SARAF: variants seen among roughly 807,000 people sequenced by gnomAD.
SARAF encodes store-operated calcium entry associated regulatory factor, also known as store-operated calcium entry-associated regulatory factor.
SARAF carries 23 observed loss-of-function variants against 39.7 expected under a neutral mutation model. The observed-to-expected ratio is 0.58, with a 90% CI of 0.42 to 0.82. The LOEUF (loss-of-function observed/expected upper bound fraction) is 0.82. SARAF is among the 40% of genes least tolerant of loss of function. The probability of loss-of-function intolerance (pLI) is 0.00; values close to 1 mark genes in which losing one functional copy is unlikely to be tolerated. For missense variants in SARAF, 384 were observed against 418.5 expected (o/e 0.92, Z 0.72); for synonymous variants, 175 against 168.5 (o/e 1.04, Z -0.30).
In SARAF at chr8:30,073,913, C is replaced by T; in HGVS notation, c.246G>A (p.Gln82=). The T allele has an allele frequency of 1.9e-6, 3 of 1,614,184 alleles. No homozygotes were observed. In the South Asian group the frequency reaches 3.3e-5, roughly 18 times the overall value. The stretch of plus-strand genomic sequence containing the variant: ...ACCCATCCCAGCCTTTGTTCTGACA[C>T]TGTATGACTTTTGGGGTATAAGAAT... ...GCDSYTPKVI[Q]CQNKGWDGYD... The change falls in exon 2 of 6, where the codon CAG becomes CAA. Residue 82 remains glutamine (Q), a synonymous_variant. Transcript: ENST00000256255.
chr8:30,066,262 G>T, intron 4 of SARAF, 123 bp from the exon 5 acceptor site: 1 of 987,850 alleles, frequency 1.0e-6, no homozygotes, highest in Non-Finnish European at 1.5e-6. Flanking sequence ...GAATGTTCTG[G>T]TATATCAGAG....
chr8:30,079,206 G>A (rs1802044695), intron 1 of SARAF, among the ~76,000 whole-genome samples: 1 of 149,806 alleles, frequency 6.7e-6, no homozygotes. Context: ...GTAGGGAATT[G>A]GAACAGAGAC....
At chr8:30,064,551 A>ATTTTTTTTTTTT (rs1387887357) in intron 5 of SARAF, among the ~76,000 whole-genome samples, 7 of 46,124 alleles carry the variant, frequency 1.5e-4, no homozygotes, top group East Asian at 7.3e-4. Flanking sequence ...ATATATATAT[A>ATTTTTTTTTTTT]TATATATATA....
At chr8:30,076,036 G>C (rs1801957738) in intron 1 of SARAF, among the ~76,000 whole-genome samples, 1 of 146,724 alleles carries the variant, frequency 6.8e-6, no homozygotes, top group South Asian at 2.2e-4. Context: ...TCTGGAATGG[G>C]AGATGCCTGG....
chr8:30,073,828 T>C (rs1358812398), intron 2 of SARAF, 49 bp downstream of exon 2: 1 of 1,537,952 alleles, frequency 6.5e-7, no homozygotes, highest in Non-Finnish European at 8.9e-7. Context: ...ATAAACAATT[T>C]ACTGAATAAA....
chr8:30,063,945 T>A (rs374477093), intron 5 of SARAF, 32 bp from the exon 6 acceptor site: 26 of 1,563,326 alleles, frequency 1.7e-5, no homozygotes, highest in Non-Finnish European at 2.1e-5. Context: ...TTACATTAGT[T>A]TTTAAAAATG....
intron 3 of SARAF, among the ~76,000 whole-genome samples, chr8:30,068,207 A>G (rs1801735879): frequency 6.6e-6 from 1 of 152,176 alleles, no homozygotes; most frequent in Non-Finnish European, 1.5e-5. Context: ...CTGAAGCTTC[A>G]TCTCTATTTA....
intron 2 of SARAF, among the ~76,000 whole-genome samples, chr8:30,071,169 C>T (rs541332095): frequency 6.6e-6 from 1 of 152,266 alleles, no homozygotes; most frequent in Admixed American, 6.5e-5. Context: ...GGCAAAACCC[C>T]ATCTCTACGA....
intron 1 of SARAF, among the ~76,000 whole-genome samples, chr8:30,074,768 G>A (rs11777119): frequency 0.73 from 111,068 of 152,038 alleles, 41,612 homozygotes; most frequent in Non-Finnish European, 0.82. Flanking sequence ...TTTTATTACT[G>A]GGAGTGGGGG....
upstream of SARAF, chr8:30,083,088 C>T (rs1266888458): frequency 8.5e-6 from 5 of 586,086 alleles, no homozygotes; most frequent in Non-Finnish European, 1.4e-5. Flanking sequence ...GCTGCAGCCG[C>T]AACGGATCCG....
intron 2 of SARAF, among the ~76,000 whole-genome samples, chr8:30,071,771 G>A (rs1224684842): frequency 6.6e-6 from 1 of 152,168 alleles, no homozygotes; most frequent in Non-Finnish European, 1.5e-5. Flanking sequence ...CATCCACGTT[G>A]TAGCATGTAT....
At chr8:30,069,528 A>C in intron 3 of SARAF, 114 bp downstream of exon 3, 1 of 1,097,394 alleles carries the variant, frequency 9.1e-7, no homozygotes, top group Non-Finnish European at 1.3e-6. Context: ...AAACAAAATG[A>C]GAAGACAAAC....
At position 30,069,300 on chromosome 8, in the gene SARAF, C is replaced by T. The variant is rs145750954; in HGVS notation, c.700+342G>A. ...AATCACAGGTGCCCGCCACAACACC[C>T]GGCTAATTTTTGTATTTTTAGTAAG... is the stretch of plus-strand genomic sequence containing the variant. On this transcript the variant is annotated intron_variant, in intron 3 of 5. Transcript: ENST00000256255. Among the ~76,000 whole-genome samples the T allele has an allele frequency of 6.3e-4, 96 of 151,996 alleles. No individual in the cohort carries two copies. The East Asian group carries it at 0.013, about 21-fold the overall frequency.
rs1801937595 is a variant in SARAF at position 30,075,525 on chromosome 8, C to G, written c.104-1470G>C. ...TTCAGTTCTGCCAACCAGAGGGACT[C>G]GAGCAAAATCTGGAAAGCAGACCCT... On this transcript the variant is annotated intron_variant, in intron 1 of 5. Coordinates refer to ENST00000256255, the MANE Select transcript of SARAF (RefSeq NM_016127.6). Among the ~76,000 whole-genome samples the G allele has an allele frequency of 3.9e-5, 6 of 152,196 alleles. No individual in the cohort carries two copies. The South Asian group carries it at 1.0e-3, about 26-fold the overall frequency.
At chr8:30,075,988 AAAC>A (rs1464063986) in intron 1 of SARAF, among the ~76,000 whole-genome samples, 1 of 121,360 alleles carries the variant, frequency 8.2e-6, no homozygotes, top group Non-Finnish European at 1.7e-5. Context: ...CCCTAAAAAA[AAAC>A]AAAAAAAAAA....
In SARAF at chr8:30,063,765, A is replaced by C. The variant is rs1801608909; in HGVS notation, c.*123T>G. On this transcript the variant is annotated 3_prime_UTR_variant, in exon 6 of 6. Transcript: ENST00000256255. ...AATACAAAAAGCTACACTGGACATA[A>C]CACCACAGAACTTTTGAATATCCCC... 3.2e-5 allele frequency: 27 copies of C among 840,098 alleles called. No individual in the cohort carries two copies. The highest frequency in any genetic ancestry group is 2.3e-4 in the South Asian group (16 of 70,060). 52.0% of individuals were successfully genotyped at this position (840,098 alleles called of 1,614,324 possible). A position where few individuals can be genotyped will look rare whatever the true frequency, so the allele number is the denominator to read the frequency against.
In SARAF at chr8:30,063,229, T is replaced by C. The variant is rs906277782; in HGVS notation, c.*659A>G. On this transcript the variant is annotated 3_prime_UTR_variant, in exon 6 of 6. Transcript: ENST00000256255. ...TGAAAAATTTGACCTTTACCTCTTA[T>C]GAACGAAAGAAATATAGAGGTTTCA... is the stretch of plus-strand genomic sequence containing the variant. The C allele has an allele frequency of 1.3e-5, 2 of 152,224 alleles. No individual in the cohort carries two copies. Among genetic ancestry groups the C allele is most frequent in the African/African-American group, 4.8e-5 (2 of 41,460 alleles). The allele number at this position is 152,224 out of a possible 1,614,324, so 9.4% of individuals were successfully genotyped here. A position where few individuals can be genotyped will look rare whatever the true frequency, so the allele number is the denominator to read the frequency against.
chr8:30,064,775 C>G (rs1801646020), intron 5 of SARAF, among the ~76,000 whole-genome samples: 1 of 151,532 alleles, frequency 6.6e-6, no homozygotes, highest in South Asian at 2.1e-4. Context: ...GTTGGGCAGG[C>G]TAGTCTCGAA....
At chr8:30,073,680 G>A (rs1349702756) in intron 2 of SARAF, 197 bp downstream of exon 2, 1 of 484,206 alleles carries the variant, frequency 2.1e-6, no homozygotes, top group Non-Finnish European at 3.6e-6. Context: ...ACTAAAATGA[G>A]TATTTTCAGG....
Sources: gnomAD v4.1 joint callset for allele counts (sites outside exome capture counted in the v4.1 genomes callset) on GRCh38, gnomAD v4.1.1 for gene constraint, MANE v1.5 for transcripts, NCBI Gene and HGNC (gene_info 2026-07-23, HGNC 2026-07-21) for gene names.